Variants in FREM1 observed in about 807,000 individuals in gnomAD.
FREM1 encodes the protein FRAS1-related extracellular matrix protein 1.
FREM1 carries 220 observed loss-of-function variants against 210.1 expected under a neutral mutation model. The observed-to-expected ratio is 1.05, with a 90% CI of 0.94 to 1.17. FREM1 has a LOEUF of 1.17. FREM1 is among the 50% of genes most tolerant of loss of function. The pLI, the probability that FREM1 is intolerant of heterozygous loss-of-function variation, is 0.00. For synonymous variants in FREM1, 1,189 were observed against 980.2 expected (o/e 1.21, Z -3.98); for missense variants, 3,454 against 2,675.5 (o/e 1.29, Z -6.42).
At chr9:14,772,095 G>A (rs1194912414) in intron 25 of FREM1, among the ~76,000 whole-genome samples, 2 of 150,956 alleles carry the variant, frequency 1.3e-5, no homozygotes, top group South Asian at 2.1e-4. Flanking sequence ...CTCTCAAATT[G>A]GCAAGATTCT....
At chr9:14,773,372 A>G (rs7028801) in intron 25 of FREM1, among the ~76,000 whole-genome samples, 130,307 of 152,182 alleles carry the variant, frequency 0.86, 55,961 homozygotes, top group Non-Finnish European at 0.88. Flanking sequence ...TAGTTTACCC[A>G]TAGTTGGGAG....
intron 1 of FREM1, among the ~76,000 whole-genome samples, chr9:14,873,082 T>C (rs1422263747): frequency 6.6e-6 from 1 of 152,232 alleles, no homozygotes; most frequent in Non-Finnish European, 1.5e-5. Flanking sequence ...AGTATCTTAT[T>C]GAGGATTTTT....
chr9:14,879,864 T>C (rs1834475251), intron 1 of FREM1, among the ~76,000 whole-genome samples: 1 of 152,108 alleles, frequency 6.6e-6, no homozygotes, highest in South Asian at 2.1e-4. Flanking sequence ...CATTAGGTTG[T>C]TGGTAGGTAC....
chr9:14,743,800 T>C (rs1384885423), intron 35 of FREM1, among the ~76,000 whole-genome samples: 2 of 152,064 alleles, frequency 1.3e-5, no homozygotes, highest in Non-Finnish European at 2.9e-5. Flanking sequence ...CATAGTATTC[T>C]CCCTTTTGTT....
At chr9:14,849,757 A>G (rs1400491598) in intron 6 of FREM1, among the ~76,000 whole-genome samples, 11 of 152,190 alleles carry the variant, frequency 7.2e-5, no homozygotes, top group Admixed American at 7.2e-4. Flanking sequence ...TCTCCACTGA[A>G]AAAATTGAGA....
At chr9:14,901,621 T>C (rs1238013648) in intron 1 of FREM1, among the ~76,000 whole-genome samples, 2 of 152,180 alleles carry the variant, frequency 1.3e-5, no homozygotes, top group Non-Finnish European at 2.9e-5. Flanking sequence ...ATGATAGTAA[T>C]GCATGACACA....
rs756241386 is a variant in FREM1 at position 14,808,145 on chromosome 9, C to G, written c.2894-11G>C. 4 of 1,549,908 alleles carry G rather than the reference C, an allele frequency of 2.6e-6. No homozygotes were observed. Among genetic ancestry groups the G allele is most frequent in the South Asian group, 1.3e-5 (1 of 78,398 alleles). ...GGCCAATCTCGCCACCTGGAAGACA[C>G]AACTATAGCTGAAACCTGCCTTTTA... is the stretch of plus-strand genomic sequence containing the variant. On this transcript the variant is annotated splice_polypyrimidine_tract_variant and intron_variant, in intron 16 of 36. Coordinates refer to ENST00000380880, the MANE Select transcript of FREM1 (RefSeq NM_001379081.2).
At chr9:14,769,120 G>A (rs914497111) in intron 27 of FREM1, among the ~76,000 whole-genome samples, 4 of 152,116 alleles carry the variant, frequency 2.6e-5, no homozygotes, top group Middle Eastern at 3.2e-3. Flanking sequence ...TGTTAATCTC[G>A]TTAATTTTGA....
Position 14,824,855 on chromosome 9 carries a change from T to A in FREM1, c.2019A>T (p.Ser673=). The A allele has an allele frequency of 6.2e-7, 1 of 1,613,606 alleles. No homozygotes were observed. The highest frequency in any genetic ancestry group is 8.5e-7 in the Non-Finnish European group (1 of 1,179,678). The change falls in exon 11 of 37, where the codon TCA becomes TCT. Residue 673 remains serine (S), a synonymous_variant. Transcript: ENST00000380880. Reference sequence around the variant, plus strand: ...TTGTGTAGACCAGCTCCCTGTCATATGATTCTGAATCTATAAAATGTAGCT... The same window carrying A: ...TTGTGTAGACCAGCTCCCTGTCATAAGATTCTGAATCTATAAAATGTAGCT... ...KKQLHFIDSE[S]YDRELVYTIT... is the part of the protein sequence containing the mutation.
At chr9:14,892,763 G>A (rs936942161) in intron 1 of FREM1, among the ~76,000 whole-genome samples, 7 of 152,056 alleles carry the variant, frequency 4.6e-5, no homozygotes, top group African/African-American at 9.7e-5. Context: ...TTTCAGTGTC[G>A]CTGCAATGGG....
At chr9:14,765,380 T>C (rs1416003368) in intron 27 of FREM1, among the ~76,000 whole-genome samples, 1 of 152,226 alleles carries the variant, frequency 6.6e-6, no homozygotes, top group East Asian at 1.9e-4. Flanking sequence ...TAGTGTGTGA[T>C]TACGGTCAGT....
intron 27 of FREM1, among the ~76,000 whole-genome samples, chr9:14,761,544 A>G (rs746201998): frequency 6.6e-6 from 1 of 152,222 alleles, no homozygotes; most frequent in Non-Finnish European, 1.5e-5. Flanking sequence ...ATAAATGACT[A>G]CGGTAATCCC....
intron 26 of FREM1, among the ~76,000 whole-genome samples, chr9:14,770,136 C>A (rs929323311): frequency 6.6e-6 from 1 of 152,032 alleles, no homozygotes; most frequent in Non-Finnish European, 1.5e-5. Flanking sequence ...TAATAAAAAT[C>A]TGTAACTTGG....
chr9:14,880,011 C>G (rs2132116106), intron 1 of FREM1, among the ~76,000 whole-genome samples: 1 of 152,112 alleles, frequency 6.6e-6, no homozygotes, highest in East Asian at 1.9e-4. Context: ...GAGGTAGGGC[C>G]TTGTGGAGGC....
intron 2 of FREM1, among the ~76,000 whole-genome samples, chr9:14,864,478 C>G (rs751430524): frequency 2.6e-5 from 4 of 152,038 alleles, no homozygotes; most frequent in Non-Finnish European, 5.9e-5. Flanking sequence ...TGCATACTTG[C>G]AAAAAACTGC....
intron 27 of FREM1, among the ~76,000 whole-genome samples, chr9:14,762,027 T>C (rs1307877841): frequency 6.6e-6 from 1 of 152,238 alleles, no homozygotes; most frequent in Non-Finnish European, 1.5e-5. Context: ...GGTTCAATAC[T>C]ATTTGCACTT....
intron 27 of FREM1, among the ~76,000 whole-genome samples, chr9:14,764,278 A>G (rs1369097650): frequency 1.3e-5 from 2 of 152,192 alleles, no homozygotes; most frequent in Non-Finnish European, 2.9e-5. Context: ...TTTTCTTTAT[A>G]AATTACCCAG....
chr9:14,909,860 C>G (rs1432082516), intron 1 of FREM1, 54 bp downstream of exon 1: 1 of 152,176 alleles, frequency 6.6e-6, no homozygotes. Context: ...GGGCATTCTG[C>G]TAACAGAACA....
chr9:14,819,063 G>T (rs1820807260), intron 14 of FREM1, among the ~76,000 whole-genome samples, 171 bp downstream of exon 14: 1 of 152,154 alleles, frequency 6.6e-6, no homozygotes, highest in Admixed American at 6.6e-5. Context: ...ATGTCTGGAG[G>T]GAAAGGAAAA....
Sources: allele counts gnomAD v4.1 joint callset (sites outside exome capture counted in the v4.1 genomes callset), GRCh38; gene constraint gnomAD v4.1.1; transcripts MANE v1.5; gene names NCBI Gene and HGNC (gene_info 2026-07-23, HGNC 2026-07-21).